BID: variants seen among roughly 807,000 people sequenced by gnomAD.
BID encodes the protein BH3 interacting domain death agonist.
BID carries 19 observed loss-of-function variants against 17.4 expected under a neutral mutation model. That is an observed-to-expected ratio of 1.09 (90% CI 0.76 to 1.60). The LOEUF (loss-of-function observed/expected upper bound fraction) is 1.60. BID is among the 40% of genes most tolerant of loss of function. BID has a pLI of 0.00. For missense variants in BID, 226 were observed against 256.0 expected, an observed-to-expected ratio of 0.88 and a Z score of 0.80; for synonymous variants, 108 against 102.8, an observed-to-expected ratio of 1.05 and a Z score of -0.31.
At chr22:17,747,965 C>G (rs1357916435) in intron 2 of BID, among the ~76,000 whole-genome samples, 1 of 152,060 alleles carries the variant, frequency 6.6e-6, no homozygotes, top group African/African-American at 2.4e-5. Context: ...AATCCCAGCA[C>G]TATGGGAGGC....
intron 1 of BID, among the ~76,000 whole-genome samples, chr22:17,761,016 C>T (rs890591414): frequency 6.6e-6 from 1 of 152,200 alleles, no homozygotes; most frequent in Non-Finnish European, 1.5e-5. Context: ...ACATACACAC[C>T]GAACCAAGGA....
intron 1 of BID, among the ~76,000 whole-genome samples, chr22:17,771,666 G>A (rs767923797): frequency 6.6e-6 from 1 of 152,198 alleles, no homozygotes; most frequent in Non-Finnish European, 1.5e-5. Flanking sequence ...GCTGCTTTGT[G>A]GCCTGTTTGC....
chr22:17,743,896 G>A lies in BID; in HGVS notation c.130C>T (p.Leu44=). The change falls in exon 3 of 6, where the codon CTG becomes TTG. Residue 44 remains leucine (L), a synonymous_variant. Transcript: ENST00000622694. Reference sequence around the variant, plus strand: ...TCCCACTGGGGAGCCAGCACTGGCAGCTCGTGGCCCAGTGCGTCCAGCTCT... The same window carrying A: ...TCCCACTGGGGAGCCAGCACTGGCAACTCGTGGCCCAGTGCGTCCAGCTCT... ...RRELDALGHE[L]PVLAPQWEGY... The A allele has an allele frequency of 6.2e-7, 1 of 1,613,712 alleles. No homozygotes were observed. Among genetic ancestry groups the A allele is most frequent in the Non-Finnish European group, 8.5e-7 (1 of 1,180,010 alleles).
intron 1 of BID, among the ~76,000 whole-genome samples, chr22:17,757,084 TCTG>T (rs1411329380): frequency 6.6e-6 from 1 of 151,968 alleles, no homozygotes; most frequent in African/African-American, 2.4e-5. Flanking sequence ...CCATCAACAA[TCTG>T]CTATTTGGAG....
Position 17,773,203 on chromosome 22 carries a change from T to C in BID, c.-59+1178A>G, listed in dbSNP as rs544666282. ...GCAGGCAGAGGCTTGGCCAGGGTCG[T>C]CCTCCCGGCAGTGCCTCCCTGGAGC... On this transcript the variant is annotated intron_variant, in intron 1 of 5. Transcript: ENST00000622694. The surrounding 1 kb of genome is among the most constrained non-coding windows in gnomAD (Gnocchi z 4.4). Among the ~76,000 whole-genome samples the C allele has an allele frequency of 6.6e-6, 1 of 152,152 alleles. No homozygotes were observed. Among genetic ancestry groups the C allele is most frequent in the South Asian group, 2.1e-4 (1 of 4,824 alleles).
At position 17,746,255 on chromosome 22, in the gene BID, T is replaced by C. The variant is rs905595279; in HGVS notation, c.13-2242A>G. Among the ~76,000 whole-genome samples, 6 of 150,998 alleles carry C rather than the reference T, an allele frequency of 4.0e-5. No homozygotes were observed. In the East Asian group the frequency reaches 1.2e-3, roughly 30 times the overall value. ...CGGGGGCGGGGGAGCGCAGAAAGAG[T>C]CCCTCTCCATGCGATACCGGAAGCC... On this transcript the variant is annotated intron_variant, in intron 2 of 5. Transcript: ENST00000622694.
rs552560130 is a variant in BID, at chr22:17,756,494, T to C, written c.-58-6320A>G. Among the ~76,000 whole-genome samples, 1,269 of 136,172 alleles carry C rather than the reference T, an allele frequency of 9.3e-3. 23 individuals are homozygous for C. The highest frequency in any genetic ancestry group is 0.034 in the African/African-American group (1,188 of 34,514). The allele number at this position is 136,172 out of a possible 152,430, so 89.3% of individuals were successfully genotyped here. A position where few individuals can be genotyped will look rare whatever the true frequency, so the allele number is the denominator to read the frequency against. On this transcript the variant is annotated intron_variant, in intron 1 of 5. Transcript: ENST00000622694. ...TTCTTTCTTTTCTTTCTTTCTTTCT[T>C]TCTCTCTCTCTTTCTGTCTGTCTCT...
intron 2 of BID, among the ~76,000 whole-genome samples, chr22:17,747,017 C>T (rs1365496575): frequency 6.6e-6 from 1 of 152,228 alleles, no homozygotes; most frequent in African/African-American, 2.4e-5. Context: ...GTGCTGCCAC[C>T]ACAGCAGGTC....
At chr22:17,748,728 G>A (rs2061514455) in intron 2 of BID, among the ~76,000 whole-genome samples, 1 of 152,212 alleles carries the variant, frequency 6.6e-6, no homozygotes, top group East Asian at 1.9e-4. Context: ...GAGGGGGCCG[G>A]GGAGAGGCGG....
rs2061734211 is a variant in BID, at chr22:17,773,325, A to AG, written c.-59+1055dup. 6.6e-6 allele frequency among the ~76,000 whole-genome samples: 1 copy of AG among 152,048 alleles called. No homozygotes were observed. Among genetic ancestry groups the AG allele is most frequent in the Admixed American group, 6.5e-5 (1 of 15,274 alleles). On this transcript the variant is annotated intron_variant, in intron 1 of 5. Transcript: ENST00000622694. This position sits in a 1 kb window ranked among gnomAD's most constrained non-coding sequence, Gnocchi z 4.4. ...GAATCTGGTCTCGGTCATCACTCCC[A>AG]GGGGACTGCAGGGCCCCAGGACGGC...
At chr22:17,756,467 CTT>C (rs1419514242) in intron 1 of BID, among the ~76,000 whole-genome samples, 1 of 106,974 alleles carries the variant, frequency 9.3e-6, no homozygotes, top group African/African-American at 3.2e-5. Flanking sequence ...TTCTTTCTTT[CTT>C]TCTTTCTTTT....
chr22:17,770,853 CTG>C (rs2061713753), intron 1 of BID, among the ~76,000 whole-genome samples: 1 of 152,188 alleles, frequency 6.6e-6, no homozygotes, highest in South Asian at 2.1e-4. Context: ...GAGCCACAGG[CTG>C]GGGGATCCCA....
At chr22:17,738,343 T>G (rs1409924643) in intron 4 of BID, 114 bp from the exon 5 acceptor site, 72 of 990,762 alleles carry the variant, frequency 7.3e-5, no homozygotes, top group Non-Finnish European at 1.0e-4. Flanking sequence ...CCAGGGCTGC[T>G]GGGCGGAAAG....
At chr22:17,751,874 AG>A (rs1171252300) in intron 1 of BID, among the ~76,000 whole-genome samples, 1 of 152,216 alleles carries the variant, frequency 6.6e-6, no homozygotes, top group Non-Finnish European at 1.5e-5. Context: ...CAGCAGAGGA[AG>A]GGGAGTCTGC....
intron 3 of BID, chr22:17,740,217 ATC>A: frequency 6.3e-7 from 1 of 1,577,724 alleles, no homozygotes; most frequent in East Asian, 2.3e-5. Flanking sequence ...GATTTTTTTA[ATC>A]TGTTTTGTCC....
rs544161488 is a variant in BID, at chr22:17,751,571, A to T, written c.-58-1397T>A. ...ATTGGCAATTTCACATGGTTCCTGAATACATAGGAAATAAAAAGCAAACAG... is the reference window on the plus strand; with the variant it reads ...ATTGGCAATTTCACATGGTTCCTGATTACATAGGAAATAAAAAGCAAACAG... On this transcript the variant is annotated intron_variant, in intron 1 of 5. Transcript: ENST00000622694. Among the ~76,000 whole-genome samples the T allele has an allele frequency of 7.2e-5, 11 of 152,338 alleles. No homozygotes were observed. The South Asian group carries it at 2.3e-3, about 32-fold the overall frequency.
chr22:17,739,759 G>A (rs2061445503), intron 3 of BID: 1 of 580,228 alleles, frequency 1.7e-6, no homozygotes, highest in Admixed American at 3.0e-5. Context: ...GGCCGGTGAA[G>A]CTGGGGCATC....
At chr22:17,771,469 C>T (rs1166483290) in intron 1 of BID, among the ~76,000 whole-genome samples, 5 of 150,048 alleles carry the variant, frequency 3.3e-5, no homozygotes, top group African/African-American at 1.2e-4. Context: ...AGGAGTGCGG[C>T]GGTGCAATCA....
chr22:17,756,539 C>T (rs2061592321), intron 1 of BID, among the ~76,000 whole-genome samples: 1 of 143,188 alleles, frequency 7.0e-6, no homozygotes, highest in African/African-American at 2.6e-5. Context: ...TCCTTCTTTC[C>T]TTCCTTCCTT....
Sources: gnomAD v4.1 joint callset for allele counts (sites outside exome capture counted in the v4.1 genomes callset) on GRCh38, gnomAD v4.1.1 for gene constraint, Gnocchi (gnomAD v3.1) non-coding constraint, MANE v1.5 for transcripts, NCBI Gene and HGNC (gene_info 2026-07-23, HGNC 2026-07-21) for gene names.